The following NEO1 variants were observed in gnomAD, a reference collection of about 807,000 sequenced individuals.
NEO1 encodes the protein neogenin.
In NEO1, 63 loss-of-function variants were observed where a neutral mutation model predicts 159.7. That is an observed-to-expected ratio of 0.39 (90% CI 0.32 to 0.49). The LOEUF is 0.49. Ranked by LOEUF, NEO1 falls within the 20% of genes least tolerant of loss-of-function variation. The pLI is 0.85. For synonymous variants in NEO1, 633 were observed against 662.0 expected, an observed-to-expected ratio of 0.96 and a Z score of 0.67; for missense variants, 1,615 against 1,831.0, an observed-to-expected ratio of 0.88 and a Z score of 2.15.
chr15:73,083,920 A>G (rs1046857072), intron 1 of NEO1, among the ~76,000 whole-genome samples: 6 of 152,074 alleles, frequency 3.9e-5, no homozygotes, highest in African/African-American at 1.4e-4. Context: ...TTCCCAAAAC[A>G]CTGGGATTAC....
chr15:73,273,094 G>A (rs1449444835), intron 19 of NEO1, among the ~76,000 whole-genome samples: 1 of 150,558 alleles, frequency 6.6e-6, no homozygotes, highest in African/African-American at 2.4e-5. Flanking sequence ...GGTCTTTGTA[G>A]GGACCTGGAA....
Position 73,270,037 on chromosome 15 carries a change from T to C in NEO1, c.2522T>C (p.Ile841Thr). Residue 841 changes from isoleucine (I) to threonine (T), a missense_variant, in exon 17 of 29, where the codon ATT becomes ACT. Physicochemically the swap from Ile to Thr is moderately conservative, Grantham distance 89. Around this residue, in one of 3 missense-constraint regions of NEO1, gnomAD observed 1,018 missense variants for 1,115.4 expected, o/e 0.91. Transcript: ENST00000261908. Reference protein sequence around the residue: ...TDTSEVDLFVINAPYTPVPDP... With the variant: ...TDTSEVDLFVTNAPYTPVPDP... ...ACTTCTGAAGTTGATTTATTTGTTA[T>C]TAATGCTCCATACACTCCAGTGCCA... 6.2e-7 allele frequency: 1 copy of C among 1,614,184 alleles called. No homozygotes were observed. The highest frequency in any genetic ancestry group is 8.5e-7 in the Non-Finnish European group (1 of 1,180,020).
At chr15:73,126,616 CTT>C (rs1271361017) in intron 4 of NEO1, 46 bp downstream of exon 4, 1 of 1,571,548 alleles carries the variant, frequency 6.4e-7, no homozygotes, top group Admixed American at 1.9e-5. Context: ...TAGCTTGAGA[CTT>C]TGTCATATCC....
At chr15:73,060,776 A>C (rs1310568082) in intron 1 of NEO1, among the ~76,000 whole-genome samples, 2 of 152,134 alleles carry the variant, frequency 1.3e-5, no homozygotes, top group Middle Eastern at 3.4e-3. Context: ...CCTCCCAAGT[A>C]GCTGGGGCTA....
intron 1 of NEO1, among the ~76,000 whole-genome samples, chr15:73,069,735 A>G (rs992154597): frequency 1.3e-5 from 2 of 152,124 alleles, no homozygotes; most frequent in African/African-American, 4.8e-5. Flanking sequence ...ACACATATTT[A>G]GAAAGTAGGA....
intron 1 of NEO1, among the ~76,000 whole-genome samples, chr15:73,102,156 G>A (rs1255449908): frequency 1.3e-5 from 2 of 151,704 alleles, no homozygotes; most frequent in South Asian, 2.1e-4. Context: ...TCATGAGGTC[G>A]GGAGTTCAAG....
chr15:73,112,841 C>T (rs1017673583), intron 1 of NEO1, among the ~76,000 whole-genome samples: 2 of 152,198 alleles, frequency 1.3e-5, no homozygotes, highest in Middle Eastern at 3.4e-3. Flanking sequence ...GAAAATATTT[C>T]GAACATTATC....
At chr15:73,214,407 C>G (rs1028075217) in intron 7 of NEO1, among the ~76,000 whole-genome samples, 43 of 152,274 alleles carry the variant, frequency 2.8e-4, no homozygotes, top group African/African-American at 1.0e-3. Context: ...AGTGTCAGGT[C>G]TTAGATTTAA....
intron 5 of NEO1, among the ~76,000 whole-genome samples, chr15:73,174,821 G>C (rs2035189741): frequency 6.6e-6 from 1 of 152,114 alleles, no homozygotes; most frequent in Admixed American, 6.5e-5. Context: ...AATACAAAAG[G>C]CTTGTCATTG....
chr15:73,263,276 C>T (rs2040717304), intron 15 of NEO1, among the ~76,000 whole-genome samples: 1 of 151,372 alleles, frequency 6.6e-6, no homozygotes, highest in Non-Finnish European at 1.5e-5. Context: ...TCACTGCAAC[C>T]TCCACCTCCT....
intron 7 of NEO1, among the ~76,000 whole-genome samples, chr15:73,191,695 T>C (rs530002115): frequency 6.6e-6 from 1 of 152,156 alleles, no homozygotes; most frequent in African/African-American, 2.4e-5. Flanking sequence ...ATTTGCAAAA[T>C]TAGAAAATCT....
chr15:73,052,365 G>T (rs2067480615), upstream of NEO1: 1 of 147,850 alleles, frequency 6.8e-6, no homozygotes. Context: ...TGTGGAGCCG[G>T]AGTCGGCGGC....
intron 7 of NEO1, among the ~76,000 whole-genome samples, chr15:73,205,582 A>G (rs1022883781): frequency 7.9e-5 from 12 of 152,274 alleles, no homozygotes; most frequent in South Asian, 6.2e-4. Context: ...GGATTTTTTC[A>G]TTCTCACAAT....
intron 7 of NEO1, among the ~76,000 whole-genome samples, chr15:73,235,825 C>T (rs1411811545): frequency 6.6e-6 from 1 of 152,176 alleles, no homozygotes; most frequent in Non-Finnish European, 1.5e-5. Flanking sequence ...TCACAATAGC[C>T]ATGAGCCTCT....
chr15:73,179,213 G>A lies in NEO1; in HGVS notation c.1291+786G>A, dbSNP rs1427525043. Among the ~76,000 whole-genome samples the A allele has an allele frequency of 2.6e-5, 4 of 152,170 alleles. No homozygotes were observed. The East Asian group carries it at 5.8e-4, about 22-fold the overall frequency. ...GATTGGAGTAACAAAGGTTTGACTA[G>A]TAAGAAGTAAAGAGAACTCTAGACA... On this transcript the variant is annotated intron_variant, in intron 7 of 28. Transcript: ENST00000261908.
At position 73,293,488 on chromosome 15, in the gene NEO1, C is replaced by G. The variant is rs1299279228; in HGVS notation, c.3841C>G (p.Pro1281Ala). 1 of 1,614,198 alleles carries G rather than the reference C, an allele frequency of 6.2e-7. No individual in the cohort carries two copies. The highest frequency in any genetic ancestry group is 2.2e-5 in the East Asian group (1 of 44,878). The change falls in exon 26 of 29, where the codon CCG (proline) becomes GCG (alanine). Residue 1281 changes from proline (P) to alanine (A), a missense_variant. By Grantham distance (27) the Pro-to-Ala change is conservative. This residue lies in a region of NEO1 where 471 missense variants were observed against 498.9 expected (regional missense o/e 0.94). Transcript: ENST00000261908. ...ASPARSHLYH[P>A]GSPWPIGTSM... Reference sequence around the variant, plus strand: ...TCCAGCTCGCAGTCATCTCTACCACCCGGGCAGCCCATGGCCCATTGGCAC... The same window carrying G: ...TCCAGCTCGCAGTCATCTCTACCACGCGGGCAGCCCATGGCCCATTGGCAC...
chr15:73,219,940 T>G (rs918856233), intron 7 of NEO1, among the ~76,000 whole-genome samples: 1 of 152,042 alleles, frequency 6.6e-6, no homozygotes, highest in Non-Finnish European at 1.5e-5. Flanking sequence ...GTTAATATTG[T>G]TATGTGTGAA....
intron 15 of NEO1, among the ~76,000 whole-genome samples, chr15:73,263,234 C>T (rs8035925): frequency 0.41 from 59,768 of 146,128 alleles, 13,551 homozygotes; most frequent in Admixed American, 0.52. Context: ...CACTCTGTTG[C>T]CCAGGCTGGA....
chr15:73,104,161 CA>C (rs1225992214), intron 1 of NEO1, among the ~76,000 whole-genome samples: 1 of 152,108 alleles, frequency 6.6e-6, no homozygotes, highest in Non-Finnish European at 1.5e-5. Flanking sequence ...TGCGACTGGC[CA>C]AATTATTATT....
Sources: gnomAD v4.1 joint callset for allele counts (sites outside exome capture counted in the v4.1 genomes callset) on GRCh38, gnomAD v4.1.1 for gene constraint, gnomAD v4.1.1 regional missense constraint, MANE v1.5 for transcripts, NCBI Gene and HGNC (gene_info 2026-07-23, HGNC 2026-07-21) for gene names.